The following UNC45B variants were observed in gnomAD, a reference collection of about 807,000 sequenced individuals.
The protein encoded by UNC45B is protein unc-45 homolog B.
UNC45B carries 78 observed loss-of-function variants against 98.7 expected under a neutral mutation model. The observed-to-expected ratio is 0.79, with a 90% CI of 0.66 to 0.95. The LOEUF (loss-of-function observed/expected upper bound fraction) is 0.95. Among genes scored for constraint, UNC45B ranks in the 40% least tolerant of loss-of-function variants. The pLI is 0.00. For missense variants in UNC45B, 1,225 were observed against 1,184.9 expected, an observed-to-expected ratio of 1.03 and a Z score of -0.50; for synonymous variants, 462 against 480.4, an observed-to-expected ratio of 0.96 and a Z score of 0.50.
rs2092173875 is a variant in UNC45B at position 35,170,206 on chromosome 17, A to G, written c.1640A>G (p.Asp547Gly). 3 of 1,613,788 alleles carry G rather than the reference A, an allele frequency of 1.9e-6. No homozygotes were observed. Among genetic ancestry groups the G allele is most frequent in the East Asian group, 2.2e-5 (1 of 44,870 alleles). ...YLTLDADVKD[D>G]FVQDVPALQA... ...ACGCTGGACGCTGATGTGAAGGACGACTTTGTCCAGGACGTCCCTGCCCTG... is the reference window on the plus strand; with the variant it reads ...ACGCTGGACGCTGATGTGAAGGACGGCTTTGTCCAGGACGTCCCTGCCCTG... The change falls in exon 12 of 20, where the codon GAC becomes GGC. Residue 547 changes from aspartate to glycine, a missense_variant. By Grantham distance (94) the Asp-to-Gly change is moderately conservative (BLOSUM62 -1). Coordinates refer to ENST00000394570, the MANE Select transcript of UNC45B (RefSeq NM_001267052.2).
chr17:35,179,482 C>G (rs926668195), intron 17 of UNC45B, among the ~76,000 whole-genome samples: 1 of 152,132 alleles, frequency 6.6e-6, no homozygotes, highest in African/African-American at 2.4e-5. Flanking sequence ...TTCACAATAG[C>G]AAAGACTTGG....
chr17:35,154,738 C>T lies in UNC45B; in HGVS notation c.636C>T (p.Ala212=). The change falls in exon 6 of 20, where the codon GCC becomes GCT. Residue 212 remains alanine (A), a synonymous_variant. Transcript: ENST00000394570. ...CGGGCATGTGCAGCGGCCACCAAGC[C>T]AGAGTAAGTGCCCGGCTGTGGGGCA... The part of the protein sequence containing the change: ...TLSGMCSGHQ[A]RATVILHAVR... The T allele has an allele frequency of 6.3e-7, 1 of 1,581,934 alleles. No individual in the cohort carries two copies. The highest frequency in any genetic ancestry group is 8.6e-7 in the Non-Finnish European group (1 of 1,168,336).
rs770811742 is a variant in UNC45B, at chr17:35,154,679, C to A, written c.577C>A (p.Pro193Thr). The change falls in exon 6 of 20, where the codon CCT becomes ACT. Residue 193 changes from proline to threonine, a missense_variant. Pro to Thr is a conservative substitution (Grantham distance 38). Transcript: ENST00000394570. The stretch of plus-strand genomic sequence containing the variant: ...ACTGCAGCTTCTGGACACTAAGAAG[C>A]CTGAGCTGGTGCTGGCTGCAGTGCG... ...LLLQLLDTKK[P>T]ELVLAAVRTL... 1.9e-6 allele frequency: 3 copies of A among 1,612,134 alleles called. No individual in the cohort carries two copies. The highest frequency in any genetic ancestry group is 2.7e-5 in the African/African-American group (2 of 74,836).
intron 13 of UNC45B, among the ~76,000 whole-genome samples, chr17:35,173,761 C>A (rs1224797433): frequency 6.6e-6 from 1 of 151,888 alleles, no homozygotes; most frequent in Non-Finnish European, 1.5e-5. Flanking sequence ...TCTGCAAAAT[C>A]CCTTTTGCCA....
intron 19 of UNC45B, among the ~76,000 whole-genome samples, chr17:35,184,954 T>C (rs557411234): frequency 6.6e-6 from 1 of 152,358 alleles, no homozygotes; most frequent in South Asian, 2.1e-4. Context: ...TCTGGAATCC[T>C]ATCCTTGTTG....
In UNC45B at chr17:35,181,224, C is replaced by T. The variant is rs113643006; in HGVS notation, c.2373+548C>T. Reference sequence around the variant, plus strand: ...AAAATAAAATGAATTCAGAACATGCCGTAGGCTTCATGGTCCAGTCATGGG... The same window carrying T: ...AAAATAAAATGAATTCAGAACATGCTGTAGGCTTCATGGTCCAGTCATGGG... On this transcript the variant is annotated intron_variant, in intron 18 of 19. Transcript: ENST00000394570. 4.7e-3 allele frequency among the ~76,000 whole-genome samples: 715 copies of T among 152,260 alleles called. 9 individuals carry two copies. The highest frequency in any genetic ancestry group is 0.016 in the African/African-American group (656 of 41,522).
At chr17:35,164,982 C>T (rs2092128543) in intron 9 of UNC45B, among the ~76,000 whole-genome samples, 1 of 152,058 alleles carries the variant, frequency 6.6e-6, no homozygotes, top group African/African-American at 2.4e-5. Flanking sequence ...GATCCTCCTG[C>T]CTCTGCCTCA....
chr17:35,159,672 G>A (rs1165957046), intron 8 of UNC45B, 127 bp downstream of exon 8: 21 of 1,106,080 alleles, frequency 1.9e-5, no homozygotes, highest in Non-Finnish European at 2.5e-5. Flanking sequence ...ATGAGAAAAG[G>A]CATTGGCCCA....
chr17:35,176,474 T>A (rs2092234642), intron 15 of UNC45B, among the ~76,000 whole-genome samples: 1 of 152,144 alleles, frequency 6.6e-6, no homozygotes, highest in Admixed American at 6.5e-5. Context: ...GCTCAATAGA[T>A]GTCTGATGTT....
chr17:35,173,607 A>G (rs1249228528), intron 13 of UNC45B, among the ~76,000 whole-genome samples: 3 of 151,760 alleles, frequency 2.0e-5, no homozygotes, highest in Admixed American at 6.6e-5. Context: ...AACCACTCTG[A>G]CCTCACTTCC....
chr17:35,174,331 T>C lies in UNC45B; in HGVS notation c.1920T>C (p.Ser640=). 1 of 1,614,158 alleles carries C rather than the reference T, an allele frequency of 6.2e-7. No homozygotes were observed. The highest frequency in any genetic ancestry group is 8.5e-7 in the Non-Finnish European group (1 of 1,180,012). Reference sequence around the variant, plus strand: ...TGGCTTGCATGGTGAAAGCAGATAGTGCCATCCTCACTGACCAGACCAAGG... The same window carrying C: ...TGGCTTGCATGGTGAAAGCAGATAGCGCCATCCTCACTGACCAGACCAAGG... ...SALACMVKAD[S]AILTDQTKEL... Residue 640 remains serine, a synonymous_variant, in exon 14 of 20, where the codon AGT becomes AGC. Coordinates refer to ENST00000394570, the MANE Select transcript of UNC45B (RefSeq NM_001267052.2).
chr17:35,185,954 G>A (rs1455185584), intron 19 of UNC45B, among the ~76,000 whole-genome samples: 2 of 152,146 alleles, frequency 1.3e-5, no homozygotes, highest in African/African-American at 2.4e-5. Flanking sequence ...AGATGAGACA[G>A]TGTCATCTGA....
At position 35,183,486 on chromosome 17, in the gene UNC45B, C is replaced by T. The variant is rs151303445; in HGVS notation, c.2433C>T (p.Cys811=). ...GGCTGAAGCTGGTGGTGCTGCTCTG[C>T]GGGGAGGATGATGATAAGGTGCAGA... is the stretch of plus-strand genomic sequence containing the variant. ...NDRLKLVVLL[C]GEDDDKVQNA... is the part of the protein sequence containing the mutation. The change falls in exon 19 of 20, where the codon TGC becomes TGT. Residue 811 remains cysteine, a synonymous_variant. Transcript: ENST00000394570. 371 of 1,604,926 alleles carry T rather than the reference C, an allele frequency of 2.3e-4. 1 individual carries two copies. Among genetic ancestry groups the T allele is most frequent in the Admixed American group, 7.5e-4 (44 of 59,034 alleles).
At chr17:35,180,192 GCT>G (rs2092263559) in intron 17 of UNC45B, among the ~76,000 whole-genome samples, 1 of 151,454 alleles carries the variant, frequency 6.6e-6, no homozygotes, top group East Asian at 1.9e-4. Flanking sequence ...GGGCTTTTCT[GCT>G]CTCTCATGGT....
At chr17:35,168,513 A>G in intron 10 of UNC45B, 152 bp downstream of exon 10, 1 of 550,294 alleles carries the variant, frequency 1.8e-6, no homozygotes, top group Non-Finnish European at 2.7e-6. Flanking sequence ...AGAACAGGGC[A>G]ATATCCAGGG....
intron 12 of UNC45B, among the ~76,000 whole-genome samples, chr17:35,170,840 A>AAAAT (rs887841263): frequency 6.6e-6 from 1 of 152,122 alleles, no homozygotes; most frequent in Non-Finnish European, 1.5e-5. Flanking sequence ...TTGCCTCAAG[A>AAAAT]AAATAAATAA....
At chr17:35,150,725 T>G (rs1027393746) in intron 4 of UNC45B, among the ~76,000 whole-genome samples, 1 of 152,124 alleles carries the variant, frequency 6.6e-6, no homozygotes. Context: ...CACTTCAGCC[T>G]GGGCGACAGA....
intron 10 of UNC45B, among the ~76,000 whole-genome samples, chr17:35,168,975 G>C (rs1226399027): frequency 6.6e-6 from 1 of 151,940 alleles, no homozygotes; most frequent in Admixed American, 6.6e-5. Flanking sequence ...CCAAAGTGCT[G>C]GGATTACAGG....
chr17:35,168,381 C>A lies in UNC45B; in HGVS notation c.1452+20C>A. The A allele has an allele frequency of 7.5e-7, 1 of 1,326,550 alleles. No individual in the cohort carries two copies. Among genetic ancestry groups the A allele is most frequent in the Middle Eastern group, 2.0e-4 (1 of 4,964 alleles). 82.2% of individuals were successfully genotyped at this position (1,326,550 alleles called of 1,614,324 possible). A position where few individuals can be genotyped will look rare whatever the true frequency, so the allele number is the denominator to read the frequency against. The stretch of plus-strand genomic sequence containing the variant: ...CTGGTGGTGAGTGGGCTCGGTACCA[C>A]CCTCCTACTCAGTACAAGGTGCCAT... On this transcript the variant is annotated intron_variant, in intron 10 of 19. Transcript: ENST00000394570.
Sources: gnomAD v4.1 joint callset for allele counts (sites outside exome capture counted in the v4.1 genomes callset) on GRCh38, gnomAD v4.1.1 for gene constraint, MANE v1.5 for transcripts, NCBI Gene and HGNC (gene_info 2026-07-23, HGNC 2026-07-21) for gene names.